Variants in ZC4H2 observed in about 807,000 individuals in gnomAD.
The protein encoded by ZC4H2 is zinc finger C4H2 domain-containing protein.
For missense variants in ZC4H2, 137 were observed against 173.9 expected (o/e 0.79, Z 1.19); for synonymous variants, 84 against 66.3 (o/e 1.27, Z -1.30).
intron 1 of ZC4H2, among the ~76,000 whole-genome samples, chrX:64,928,641 T>TCTTCTTCTTCTTCTA (rs1555935499): frequency 3.8e-5 from 3 of 79,547 alleles, no homozygotes; most frequent in African/African-American, 1.2e-4. Flanking sequence ...TCCTTCTTCT[T>TCTTCTTCTTCTTCTA]CTTCTTCTTC....
rs185999306 is a variant in ZC4H2, at chrX:64,942,719, C to A, written c.54-20731G>T. On this transcript the variant is annotated intron_variant, in intron 1 of 4. Coordinates refer to ENST00000374839, the MANE Select transcript of ZC4H2 (RefSeq NM_018684.4). ...GTGTATAATGCCACATTTTCATTAT[C>A]CAGTCTATCATTGATGGGCATTTGC... Among the ~76,000 whole-genome samples, 14 of 111,720 alleles carry A rather than the reference C, an allele frequency of 1.3e-4. No individual in the cohort carries two copies. The East Asian group carries it at 4.0e-3, about 32-fold the overall frequency.
Position 64,916,492 on chromosome X carries a change from G to A in ZC4H2, c.*1291C>T, listed in dbSNP as rs927941874. 2 of 112,136 alleles carry A rather than the reference G, an allele frequency of 1.8e-5. No homozygotes were observed. Among genetic ancestry groups the A allele is most frequent in the East Asian group, 2.8e-4 (1 of 3,556 alleles). 9.2% of individuals were successfully genotyped at this position (112,136 alleles called of 1,213,427 possible). ...CAGACACAACACTCTTACTTTCAAA[G>A]AGCAGAGGAACATTTTATATAGTGA... On this transcript the variant is annotated 3_prime_UTR_variant, in exon 5 of 5. Coordinates refer to ENST00000374839, the MANE Select transcript of ZC4H2 (RefSeq NM_018684.4).
chrX:64,922,034 A>T, intron 1 of ZC4H2, 46 bp from the exon 2 acceptor site: 1 of 1,195,593 alleles, frequency 8.4e-7, no homozygotes, highest in Non-Finnish European at 1.1e-6. Flanking sequence ...AAGAAGGGAG[A>T]AAATAGAAAT....
At chrX:65,021,218 A>G (rs1932834175) in intron 1 of ZC4H2, among the ~76,000 whole-genome samples, 1 of 111,229 alleles carries the variant, frequency 9.0e-6, no homozygotes, top group African/African-American at 3.3e-5. Flanking sequence ...TCGACAGAAT[A>G]TACATTTTTC....
At chrX:64,951,353 C>A (rs1173416390) in intron 1 of ZC4H2, among the ~76,000 whole-genome samples, 13 of 111,722 alleles carry the variant, frequency 1.2e-4, no homozygotes, top group African/African-American at 4.2e-4. Flanking sequence ...ATTTCTAGTT[C>A]TAGATCCCTG....
At chrX:64,969,353 T>C (rs1198984268) in intron 1 of ZC4H2, among the ~76,000 whole-genome samples, 1 of 111,921 alleles carries the variant, frequency 8.9e-6, no homozygotes, top group Non-Finnish European at 1.9e-5. Flanking sequence ...GGCTCATCTG[T>C]CACCCAGTTT....
chrX:64,975,353 G>T (rs1931912787), intron 1 of ZC4H2, among the ~76,000 whole-genome samples: 1 of 97,877 alleles, frequency 1.0e-5, no homozygotes, highest in African/African-American at 3.7e-5. Context: ...CCATGTGTAG[G>T]TCTCATCCAG....
At chrX:64,923,281 C>A (rs1180679474) in intron 1 of ZC4H2, among the ~76,000 whole-genome samples, 2 of 111,791 alleles carry the variant, frequency 1.8e-5, no homozygotes, top group African/African-American at 6.5e-5. Context: ...CCTTTAATAA[C>A]ATAATTTGAA....
At chrX:64,921,027 C>G (rs1929172615) in intron 2 of ZC4H2, among the ~76,000 whole-genome samples, 1 of 112,397 alleles carries the variant, frequency 8.9e-6, no homozygotes, top group Non-Finnish European at 1.9e-5. Flanking sequence ...ATTCTGCGAT[C>G]TCTAACACAG....
At chrX:64,929,044 G>A (rs934927118) in intron 1 of ZC4H2, among the ~76,000 whole-genome samples, 8 of 108,366 alleles carry the variant, frequency 7.4e-5, no homozygotes, top group East Asian at 2.9e-4. Context: ...ATAAGCCACC[G>A]TGCCAGCTAA....
intron 1 of ZC4H2, among the ~76,000 whole-genome samples, chrX:65,008,617 A>T (rs1932707474): frequency 8.9e-6 from 1 of 112,676 alleles, no homozygotes; most frequent in Non-Finnish European, 1.9e-5. Flanking sequence ...ACACACAATG[A>T]AATATTATTC....
intron 1 of ZC4H2, among the ~76,000 whole-genome samples, chrX:64,940,068 C>T (rs1042846118): frequency 1.8e-5 from 2 of 111,741 alleles, no homozygotes; most frequent in African/African-American, 6.5e-5. Flanking sequence ...TCTCCAGCTT[C>T]TGTTGTTTCC....
chrX:65,028,161 CAGCTATCTAGCTAGCT>C (rs940500096), intron 1 of ZC4H2, among the ~76,000 whole-genome samples: 1 of 110,888 alleles, frequency 9.0e-6, no homozygotes, highest in Non-Finnish European at 1.9e-5. Context: ...TCTGTCTAGC[CAGCTATCTAGCTAGCT>C]AGCTAGCTAG....
chrX:65,025,465 A>C (rs917800063), intron 1 of ZC4H2, among the ~76,000 whole-genome samples: 1 of 111,282 alleles, frequency 9.0e-6, no homozygotes, highest in Non-Finnish European at 1.9e-5. Flanking sequence ...TTGGTTATCT[A>C]AATGGTAATA....
intron 1 of ZC4H2, among the ~76,000 whole-genome samples, chrX:64,934,202 A>G (rs1929885516): frequency 8.9e-6 from 1 of 112,367 alleles, no homozygotes; most frequent in Non-Finnish European, 1.9e-5. Context: ...TGGCTTCCTG[A>G]GAAACAGATT....
At chrX:64,954,374 T>TATATATATATA (rs1931060729) in intron 1 of ZC4H2, among the ~76,000 whole-genome samples, 1 of 73,254 alleles carries the variant, frequency 1.4e-5, no homozygotes, top group African/African-American at 1.0e-4. Flanking sequence ...ATATATATAA[T>TATATATATATA]TATATATATT....
chrX:64,971,713 A>T (rs761321769), intron 1 of ZC4H2, among the ~76,000 whole-genome samples: 3 of 111,496 alleles, frequency 2.7e-5, no homozygotes, highest in South Asian at 7.6e-4. Context: ...GATTTGGAGG[A>T]TAATATTTGA....
At chrX:64,956,375 G>T (rs779380901) in intron 1 of ZC4H2, among the ~76,000 whole-genome samples, 1 of 111,254 alleles carries the variant, frequency 9.0e-6, no homozygotes, top group South Asian at 3.8e-4. Flanking sequence ...AGTCATAATA[G>T]TAGTCTCCCT....
chrX:64,988,673 G>T lies in ZC4H2; in HGVS notation c.-272+45956C>A, dbSNP rs373886033. Among the ~76,000 whole-genome samples, 157 of 110,255 alleles carry T rather than the reference G, an allele frequency of 1.4e-3. 2 individuals are homozygous for T. In the South Asian group the frequency reaches 0.056, roughly 40 times the overall value. On this transcript the variant is annotated intron_variant, in intron 1 of 4. Coordinates refer to the ZC4H2 transcript ENST00000337990. ...AAAATTTTCTCCCATTCTGTAGGTTGCCTGTTCACTCTCATGGTAGTTTCT... is the reference window on the plus strand; with the variant it reads ...AAAATTTTCTCCCATTCTGTAGGTTTCCTGTTCACTCTCATGGTAGTTTCT...
Sources: gnomAD v4.1 joint callset for allele counts (sites outside exome capture counted in the v4.1 genomes callset) on GRCh38, gnomAD v4.1.1 for gene constraint, MANE v1.5 for transcripts, NCBI Gene and HGNC (gene_info 2026-07-23, HGNC 2026-07-21) for gene names.